SIPA1L2: variants seen among roughly 807,000 people sequenced by gnomAD.
SIPA1L2 encodes signal-induced proliferation-associated 1-like protein 2.
A neutral mutation model predicts 163.9 loss-of-function variants in SIPA1L2; 56 were observed. That is an observed-to-expected ratio of 0.34 (90% CI 0.28 to 0.43). SIPA1L2 has a LOEUF of 0.43. Ranked by LOEUF, SIPA1L2 falls within the 20% of genes least tolerant of loss-of-function variation. The probability of loss-of-function intolerance (pLI) is 1.00; values close to 1 mark genes in which losing one functional copy is unlikely to be tolerated. For synonymous variants in SIPA1L2, 877 were observed against 865.7 expected, an observed-to-expected ratio of 1.01 and a Z score of -0.23; for missense variants, 1,974 against 2,193.5, an observed-to-expected ratio of 0.90 and a Z score of 2.00.
chr1:232,402,217 C>T (rs1431239326), intron 22 of SIPA1L2, among the ~76,000 whole-genome samples, 175 bp downstream of exon 22: 5 of 152,236 alleles, frequency 3.3e-5, no homozygotes, highest in African/African-American at 1.2e-4. Context: ...AAATGAAATA[C>T]ATCAGCTGCA....
At chr1:232,520,043 A>C (rs1667392329) in intron 2 of SIPA1L2, among the ~76,000 whole-genome samples, 1 of 152,224 alleles carries the variant, frequency 6.6e-6, no homozygotes, top group Non-Finnish European at 1.5e-5. Flanking sequence ...GTAATTTCCT[A>C]AACCTAGATT....
chr1:232,545,971 TC>T (rs1235093898), intron 2 of SIPA1L2, among the ~76,000 whole-genome samples: 2 of 152,316 alleles, frequency 1.3e-5, no homozygotes, highest in South Asian at 2.1e-4. Flanking sequence ...GTTTCTTTCT[TC>T]CCTTCTCTTT....
chr1:232,541,253 TAACATAACATAACATAACA>T (rs1166623084), intron 2 of SIPA1L2, among the ~76,000 whole-genome samples: 3 of 75,326 alleles, frequency 4.0e-5, no homozygotes, highest in African/African-American at 1.7e-4. Context: ...AACATTAACA[TAACATAACATAACATAACA>T]TAACATAACA....
At chr1:232,609,424 G>A (rs1171787576) in intron 1 of SIPA1L2, among the ~76,000 whole-genome samples, 1 of 151,874 alleles carries the variant, frequency 6.6e-6, no homozygotes, top group African/African-American at 2.4e-5. Flanking sequence ...TCTGTGAAAG[G>A]GTGTCTCTAT....
chr1:232,541,985 C>G (rs1657713566), intron 2 of SIPA1L2, among the ~76,000 whole-genome samples: 1 of 150,858 alleles, frequency 6.6e-6, no homozygotes. Flanking sequence ...CTATCTAAAC[C>G]CTTAACAGAA....
At chr1:232,513,709 G>A in intron 3 of SIPA1L2, 148 bp downstream of exon 3, 1 of 768,278 alleles carries the variant, frequency 1.3e-6, no homozygotes, top group Non-Finnish European at 2.0e-6. Flanking sequence ...AAGCTATGGA[G>A]GGACCATGAT....
chr1:232,597,440 G>A (rs1352855632), intron 1 of SIPA1L2, among the ~76,000 whole-genome samples: 1 of 151,772 alleles, frequency 6.6e-6, no homozygotes, highest in Admixed American at 6.6e-5. Flanking sequence ...CACTTTGGGA[G>A]GCCAAGGTGG....
chr1:232,421,193 T>C (rs1264845084), intron 18 of SIPA1L2, among the ~76,000 whole-genome samples: 2 of 152,178 alleles, frequency 1.3e-5, no homozygotes, highest in African/African-American at 4.8e-5. Context: ...CACTTCTCCG[T>C]GCTCACAATT....
chr1:232,476,636 T>C lies in SIPA1L2; in HGVS notation c.2085+2991A>G, dbSNP rs146113468. 3.5e-3 allele frequency among the ~76,000 whole-genome samples: 527 copies of C among 152,292 alleles called. 7 individuals are homozygous for C. Among genetic ancestry groups the C allele is most frequent in the African/African-American group, 0.012 (511 of 41,556 alleles). On this transcript the variant is annotated intron_variant, in intron 7 of 22. Coordinates refer to ENST00000674635, the MANE Select transcript of SIPA1L2 (RefSeq NM_020808.5). Reference sequence around the variant, plus strand: ...CAGAGAGACTTGCAGGACTTAACTTTTGAAGAGAGAAAATAACTCCAAGAG... The same window carrying C: ...CAGAGAGACTTGCAGGACTTAACTTCTGAAGAGAGAAAATAACTCCAAGAG...
chr1:232,575,283 C>A (rs12037384), intron 1 of SIPA1L2, among the ~76,000 whole-genome samples: 7 of 152,274 alleles, frequency 4.6e-5, no homozygotes, highest in Admixed American at 2.0e-4. Flanking sequence ...AAGGAGGGCA[C>A]CCCAGAGACA....
intron 2 of SIPA1L2, among the ~76,000 whole-genome samples, chr1:232,538,510 A>C (rs542355667): frequency 6.6e-6 from 1 of 152,314 alleles, no homozygotes; most frequent in South Asian, 2.1e-4. Flanking sequence ...CTTTCCACAG[A>C]GTCCCCCAAC....
At chr1:232,565,701 C>T (rs1179003721) in intron 2 of SIPA1L2, among the ~76,000 whole-genome samples, 1 of 152,208 alleles carries the variant, frequency 6.6e-6, no homozygotes, top group African/African-American at 2.4e-5. Flanking sequence ...TTTTACTGCA[C>T]ATACAGATTC....
At chr1:232,525,147 T>G (rs960501083) in intron 2 of SIPA1L2, among the ~76,000 whole-genome samples, 1 of 150,954 alleles carries the variant, frequency 6.6e-6, no homozygotes, top group African/African-American at 2.5e-5. Context: ...GTTGATTAAT[T>G]TAACGTTTTT....
chr1:232,616,148 G>A (rs1328493818), intron 1 of SIPA1L2, among the ~76,000 whole-genome samples: 4 of 152,124 alleles, frequency 2.6e-5, no homozygotes, highest in Non-Finnish European at 5.9e-5. Context: ...AATGTGTTCT[G>A]CATCTTGGGA....
At chr1:232,566,870 T>C (rs1240101775) in intron 2 of SIPA1L2, among the ~76,000 whole-genome samples, 1 of 152,250 alleles carries the variant, frequency 6.6e-6, no homozygotes, top group African/African-American at 2.4e-5. Context: ...TCTTGAAGTC[T>C]TATGAGGATT....
chr1:232,433,183 A>G (rs1035276009), intron 15 of SIPA1L2, among the ~76,000 whole-genome samples: 2 of 152,236 alleles, frequency 1.3e-5, no homozygotes, highest in African/African-American at 2.4e-5. Context: ...TATTCGATTA[A>G]TAACTATGAA....
chr1:232,601,157 G>A (rs530708728), intron 1 of SIPA1L2, among the ~76,000 whole-genome samples: 40 of 152,296 alleles, frequency 2.6e-4, no homozygotes, highest in African/African-American at 8.9e-4. Flanking sequence ...TGGGCCCTGG[G>A]ACACAGGCAA....
At chr1:232,604,709 T>C (rs547019137) in intron 1 of SIPA1L2, among the ~76,000 whole-genome samples, 1 of 152,246 alleles carries the variant, frequency 6.6e-6, no homozygotes, top group African/African-American at 2.4e-5. Context: ...AGAGACTGGA[T>C]CATGGGGGTA....
chr1:232,547,566 GGGGTGGGGGCT>G (rs939633538), intron 2 of SIPA1L2, among the ~76,000 whole-genome samples: 30 of 150,022 alleles, frequency 2.0e-4, no homozygotes, highest in Non-Finnish European at 3.3e-4. Context: ...ACTGTGGCCC[GGGGTGGGGGCT>G]GGGTGGGGGC....
Sources: gnomAD v4.1 joint callset for allele counts (sites outside exome capture counted in the v4.1 genomes callset) on GRCh38, gnomAD v4.1.1 for gene constraint, MANE v1.5 for transcripts, NCBI Gene and HGNC (gene_info 2026-07-23, HGNC 2026-07-21) for gene names.